Variants in XPC observed in about 807,000 individuals in gnomAD.
The protein encoded by XPC is XPC complex subunit, DNA damage recognition and repair factor.
Under a neutral mutation model 95.8 loss-of-function variants are expected in XPC, and 76 were observed. The ratio of observed to expected loss-of-function variants is 0.79; its 90% CI spans 0.66 to 0.96. The LOEUF (loss-of-function observed/expected upper bound fraction) is 0.96. Ranked by LOEUF, XPC falls within the 40% of genes least tolerant of loss-of-function variation. The pLI is 0.00. For missense variants in XPC, 1,146 were observed against 1,179.8 expected (o/e 0.97, Z 0.42); for synonymous variants, 442 against 442.1 (o/e 1.00, Z 0.00).
intron 1 of XPC, among the ~76,000 whole-genome samples, chr3:14,174,216 A>C (rs1410544806): frequency 2.6e-5 from 4 of 152,218 alleles, no homozygotes; most frequent in Non-Finnish European, 5.9e-5. Flanking sequence ...TTGTATGGAA[A>C]CCAAAAAATA....
At chr3:14,168,464 G>T in intron 3 of XPC, 84 bp from the exon 4 acceptor site, 1 of 1,533,158 alleles carries the variant, frequency 6.5e-7, no homozygotes, top group Non-Finnish European at 8.9e-7. Context: ...GGTTCTGCTG[G>T]GAAGGAGGAA....
In XPC at chr3:14,145,467, T is replaced by C. The variant is rs1273113878; in HGVS notation, c.*474A>G. The C allele has an allele frequency of 4.3e-6, 3 of 695,502 alleles. No individual in the cohort carries two copies. In the Admixed American group the frequency reaches 6.0e-5, roughly 14 times the overall value. The allele number at this position is 695,502 out of a possible 1,614,324, so 43.1% of individuals were successfully genotyped here. A position where few individuals can be genotyped will look rare whatever the true frequency, so the allele number is the denominator to read the frequency against. On this transcript the variant is annotated 3_prime_UTR_variant, in exon 16 of 16. Coordinates refer to ENST00000285021, the MANE Select transcript of XPC (RefSeq NM_004628.5). ...CTGACTCAGGGGAAGGTAAGTGGCCTGCAGAGAAATGGTCCTAGGTCCGCA... is the reference window on the plus strand; with the variant it reads ...CTGACTCAGGGGAAGGTAAGTGGCCCGCAGAGAAATGGTCCTAGGTCCGCA...
intron 7 of XPC, among the ~76,000 whole-genome samples, chr3:14,161,962 G>A (rs1559377933): frequency 6.6e-6 from 1 of 151,900 alleles, no homozygotes; most frequent in South Asian, 2.1e-4. Context: ...AAGCTGCAGG[G>A]TACAAGACAA....
intron 7 of XPC, among the ~76,000 whole-genome samples, chr3:14,162,784 CAA>C (rs1283420888): frequency 6.6e-6 from 1 of 152,048 alleles, no homozygotes; most frequent in African/African-American, 2.4e-5. Flanking sequence ...TGTCAAAATT[CAA>C]AACTTTTGGG....
intron 7 of XPC, among the ~76,000 whole-genome samples, chr3:14,162,559 G>A (rs1312872274): frequency 6.6e-6 from 1 of 152,158 alleles, no homozygotes; most frequent in East Asian, 1.9e-4. Context: ...AACAAATAAT[G>A]CTGGGACAAA....
chr3:14,155,849 C>T (rs908585531), intron 10 of XPC, among the ~76,000 whole-genome samples: 5 of 152,170 alleles, frequency 3.3e-5, no homozygotes, highest in Admixed American at 1.3e-4. Context: ...TGAGCCACCG[C>T]GCCCGGCCCA....
intron 10 of XPC, chr3:14,152,911 A>G (rs1437549365): frequency 1.3e-5 from 2 of 152,648 alleles, no homozygotes; most frequent in African/African-American, 2.4e-5. Context: ...CTAATAAGCT[A>G]TCACAGAATC....
rs759313870 is a variant in XPC, at chr3:14,165,456, T to C, written c.751A>G (p.Thr251Ala). Residue 251 changes from threonine to alanine, a missense_variant, in exon 6 of 16, where the codon ACC becomes GCC. Transcript: ENST00000285021. ...TTCACCAGGTTTGAGAGGTAGTAGG[T>C]GTCCACATCTCGAGGCAGCACTCTG... Reference protein sequence around the residue: ...FTRVLPRDVDTYYLSNLVKWF... With the variant: ...FTRVLPRDVDAYYLSNLVKWF... The C allele has an allele frequency of 6.3e-6, 10 of 1,599,802 alleles. No homozygotes were observed. The South Asian group carries it at 1.1e-4, about 18-fold the overall frequency.
intron 4 of XPC, 103 bp from the exon 5 acceptor site, chr3:14,167,356 CCT>C (rs1696426421): frequency 4.9e-6 from 5 of 1,015,268 alleles, no homozygotes; most frequent in East Asian, 2.8e-5. Context: ...AATCACTCTC[CCT>C]GTTTCCCTAC....
chr3:14,176,473 AATGTC>A (rs1353537167), intron 1 of XPC, among the ~76,000 whole-genome samples: 1 of 152,198 alleles, frequency 6.6e-6, no homozygotes, highest in Non-Finnish European at 1.5e-5. Context: ...TTTACATGTA[AATGTC>A]ATGTCAACAC....
At chr3:14,178,370 C>G in intron 1 of XPC, 96 bp downstream of exon 1, 1 of 1,382,764 alleles carries the variant, frequency 7.2e-7, no homozygotes, top group South Asian at 1.5e-5. Context: ...GCAGCAACCT[C>G]CACCAGGCCT....
In XPC at chr3:14,147,379, T is replaced by A. The variant is rs765684436; in HGVS notation, c.2515A>T (p.Lys839Ter). The A allele has an allele frequency of 1.2e-6, 2 of 1,604,858 alleles. No homozygotes were observed. The highest frequency in any genetic ancestry group is 1.7e-5 in the Admixed American group (1 of 58,502). ...TTCCCTAGAGCCCGCTTCTCCTTTT[T>A]CTGCAGGCAAAAATGAAGTGGGAGA... is the stretch of plus-strand genomic sequence containing the variant. ...QAVIERKEKE[K>*]KEKRALGNWK... Residue 839 changes from lysine to a stop codon, truncating the protein, a stop_gained and splice_region_variant, in exon 15 of 16, where the codon AAA becomes TAA. Coordinates refer to ENST00000285021, the MANE Select transcript of XPC (RefSeq NM_004628.5). LOFTEE classifies it high-confidence loss of function.
At chr3:14,160,301 G>C (rs1033070515) in intron 7 of XPC, among the ~76,000 whole-genome samples, 1 of 152,202 alleles carries the variant, frequency 6.6e-6, no homozygotes, top group Admixed American at 6.5e-5. Context: ...ATTATCGTCA[G>C]ATCACCAGGT....
chr3:14,158,616 G>A lies in XPC; in HGVS notation c.1267C>T (p.Arg423Trp), dbSNP rs781191515. 1.9e-5 allele frequency: 30 copies of A among 1,613,688 alleles called. No individual in the cohort carries two copies. Among genetic ancestry groups the A allele is most frequent in the African/African-American group, 2.7e-5 (2 of 74,890 alleles). ...TTATAAGACACCCTGGAGGCCACCC[G>A]CCGCTCCCGGCCATGCGGACGTCGC... Reference protein sequence around the residue: ...TQRRPHGRERRVASRVSYKEE... With the variant: ...TQRRPHGRERWVASRVSYKEE... The change falls in exon 9 of 16, where the codon CGG (arginine) becomes TGG (tryptophan). Residue 423 changes from arginine (R) to tryptophan (W), a missense_variant. Arg to Trp is a moderately radical substitution (Grantham distance 101, BLOSUM62 -3). Transcript: ENST00000285021. The surrounding 1 kb of genome is among the most constrained non-coding windows in gnomAD (Gnocchi z 5.2).
intron 3 of XPC, 127 bp from the exon 4 acceptor site, chr3:14,168,507 G>T: frequency 8.6e-7 from 1 of 1,156,140 alleles, no homozygotes; most frequent in Non-Finnish European, 1.2e-6. Flanking sequence ...ACAGCCCACA[G>T]AGACCCCTAG....
chr3:14,145,914 T>C lies in XPC; in HGVS notation c.*27A>G, dbSNP rs759199586. On this transcript the variant is annotated 3_prime_UTR_variant, in exon 16 of 16. Transcript: ENST00000285021. ...CCTGTAGTGGGGCAGCAGCAACTGG[T>C]GGGTGCCCCTCTAGTGGGCGCTCAG... The C allele has an allele frequency of 1.3e-6, 2 of 1,590,878 alleles. No individual in the cohort carries two copies. Among genetic ancestry groups the C allele is most frequent in the Middle Eastern group, 1.9e-4 (1 of 5,168 alleles).
intron 11 of XPC, among the ~76,000 whole-genome samples, chr3:14,149,235 C>G (rs1695585655): frequency 6.6e-6 from 1 of 152,144 alleles, no homozygotes; most frequent in Non-Finnish European, 1.5e-5. Context: ...AGGTGCCTGC[C>G]ACCACGCCCG....
chr3:14,156,523 G>C (rs1262268228), intron 9 of XPC, 28 bp from the exon 10 acceptor site: 1 of 1,613,560 alleles, frequency 6.2e-7, no homozygotes. Flanking sequence ...ACAAGGTTGA[G>C]CATGTTATTT....
chr3:14,167,300 CCAGA>C, intron 4 of XPC, 47 bp from the exon 5 acceptor site: 1 of 1,504,968 alleles, frequency 6.6e-7, no homozygotes. Flanking sequence ...GGAACTGAAA[CCAGA>C]CTCCACTCCC....
Sources: gnomAD v4.1 joint callset for allele counts (sites outside exome capture counted in the v4.1 genomes callset) on GRCh38, gnomAD v4.1.1 for gene constraint, Gnocchi (gnomAD v3.1) non-coding constraint, MANE v1.5 for transcripts, NCBI Gene and HGNC (gene_info 2026-07-23, HGNC 2026-07-21) for gene names.